The following ZBTB37 variants were observed in gnomAD, a reference collection of about 807,000 sequenced individuals.
ZBTB37 encodes the protein zinc finger and BTB domain containing 37, also known as zinc finger and BTB domain-containing protein 37.
ZBTB37 carries 15 observed loss-of-function variants against 37.7 expected under a neutral mutation model. That is an observed-to-expected ratio of 0.40 (90% CI 0.27 to 0.61). ZBTB37 has a LOEUF of 0.61. Ranked by LOEUF, ZBTB37 falls within the 20% of genes least tolerant of loss-of-function variation. ZBTB37 has a pLI of 0.44. For synonymous variants in ZBTB37, 231 were observed against 220.6 expected (o/e 1.05, Z -0.42); for missense variants, 514 against 641.9 (o/e 0.80, Z 2.15).
exon 4 of ZBTB37, chr1:173,896,306 C>T (rs1403386662): frequency 6.6e-6 from 1 of 152,110 alleles, no homozygotes; most frequent in African/African-American, 2.4e-5. Flanking sequence ...TTAAAACTTT[C>T]TTTTGGATTC....
intron 4 of ZBTB37, among the ~76,000 whole-genome samples, chr1:173,873,895 A>G (rs1655735377): frequency 6.6e-6 from 1 of 152,216 alleles, no homozygotes; most frequent in South Asian, 2.1e-4. Context: ...AAAGTGATAA[A>G]TTACATGTGG....
At chr1:173,873,417 T>A (rs1460811240) in intron 3 of ZBTB37, 50 bp from the exon 4 acceptor site, 2 of 1,514,582 alleles carry the variant, frequency 1.3e-6, no homozygotes, top group Non-Finnish European at 1.8e-6. Flanking sequence ...TTTTTCAGGT[T>A]CTTTGATGCT....
At chr1:173,872,124 A>C (rs1655608012) in intron 3 of ZBTB37, among the ~76,000 whole-genome samples, 1 of 152,148 alleles carries the variant, frequency 6.6e-6, no homozygotes, top group Non-Finnish European at 1.5e-5. Context: ...GCTGGAGTGC[A>C]GTGGTGCGAT....
chr1:173,870,793 C>A, exon 3 of ZBTB37: 1 of 1,614,214 alleles, frequency 6.2e-7, no homozygotes, highest in East Asian at 2.2e-5. Context: ...GCTAAGTCCT[C>A]CTGAGGAGTC....
downstream of ZBTB37, chr1:173,890,930 G>A (rs371921687): frequency 6.6e-6 from 1 of 152,154 alleles, no homozygotes; most frequent in Non-Finnish European, 1.5e-5. Flanking sequence ...ACCTCCTAAA[G>A]TTGTTACTCA....
At chr1:173,886,132 A>AG (rs1557891198) in exon 5 of ZBTB37, 8 of 1,546,974 alleles carry the variant, frequency 5.2e-6, no homozygotes, top group Non-Finnish European at 7.0e-6. Flanking sequence ...TGAAACATCC[A>AG]GGGGGAGGGG....
intron 4 of ZBTB37, among the ~76,000 whole-genome samples, chr1:173,874,779 C>T (rs961614030): frequency 8.6e-5 from 13 of 151,976 alleles, no homozygotes; most frequent in African/African-American, 3.1e-4. Context: ...CTAGTCAATG[C>T]AATAAAGCAA....
chr1:173,888,279 G>T (rs1656706570), downstream of ZBTB37: 1 of 152,214 alleles, frequency 6.6e-6, no homozygotes, highest in Non-Finnish European at 1.5e-5. Flanking sequence ...GTTTTCAGTG[G>T]ACAGATTTTG....
intron 4 of ZBTB37, among the ~76,000 whole-genome samples, chr1:173,877,741 A>G (rs1310104169): frequency 6.6e-6 from 1 of 152,112 alleles, no homozygotes; most frequent in Non-Finnish European, 1.5e-5. Context: ...AGGGTAATAT[A>G]TATGCCTTAA....
chr1:173,891,465 A>G (rs367964408), downstream of ZBTB37: 7 of 152,230 alleles, frequency 4.6e-5, no homozygotes, highest in East Asian at 9.6e-4. Flanking sequence ...GAGGATTTCA[A>G]ATTCTTTTTA....
At chr1:173,869,407 A>G (rs946236955) in intron 2 of ZBTB37, among the ~76,000 whole-genome samples, 1 of 152,258 alleles carries the variant, frequency 6.6e-6, no homozygotes, top group Non-Finnish European at 1.5e-5. Flanking sequence ...AAATATTTTA[A>G]TGGAAAAATG....
intron 4 of ZBTB37, chr1:173,873,767 C>T: frequency 1.3e-6 from 1 of 775,638 alleles, no homozygotes; most frequent in Non-Finnish European, 1.8e-6. Flanking sequence ...AAATTGCAGA[C>T]TGGTATTTCT....
At chr1:173,881,732 T>C (rs1434879453) in intron 4 of ZBTB37, among the ~76,000 whole-genome samples, 1 of 152,176 alleles carries the variant, frequency 6.6e-6, no homozygotes, top group Non-Finnish European at 1.5e-5. Context: ...TTCATGTGTC[T>C]GTTGGCTTCA....
chr1:173,887,079 A>G (rs1340373840), downstream of ZBTB37: 1 of 152,176 alleles, frequency 6.6e-6, no homozygotes, highest in Admixed American at 6.5e-5. Context: ...GTAATCAAAA[A>G]TGTCACTTTC....
Position 173,874,946 on chromosome 1 carries a change from A to G in ZBTB37, c.1023+1380A>G, listed in dbSNP as rs573005128. ...TGCTTGTGGGCGTGCAGGAAAATAC[A>G]CTTTCGATGTCAGCAGAGTTTGGGA... On this transcript the variant is annotated intron_variant, in intron 4 of 4. Coordinates refer to ENST00000427304, the Ensembl canonical transcript of ZBTB37. Among the ~76,000 whole-genome samples the G allele has an allele frequency of 3.3e-5, 5 of 152,172 alleles. No individual in the cohort carries two copies. The East Asian group carries it at 7.7e-4, about 24-fold the overall frequency.
At chr1:173,896,962 G>A (rs547197096) in exon 4 of ZBTB37, 6 of 152,292 alleles carry the variant, frequency 3.9e-5, no homozygotes, top group Admixed American at 3.3e-4. Context: ...TATTTAGAAT[G>A]TATATGGCAT....
chr1:173,901,671 G>T (rs940219751), exon 4 of ZBTB37: 14 of 152,234 alleles, frequency 9.2e-5, no homozygotes, highest in African/African-American at 3.1e-4. Flanking sequence ...AAAGTTACAG[G>T]TGTGAGCCAC....
chr1:173,877,569 CAG>C (rs1175430776), intron 4 of ZBTB37, among the ~76,000 whole-genome samples: 1 of 151,874 alleles, frequency 6.6e-6, no homozygotes, highest in East Asian at 1.9e-4. Context: ...TTTGTAGACA[CAG>C]GGTTTCACTG....
chr1:173,878,120 T>G (rs1404586908), intron 4 of ZBTB37, among the ~76,000 whole-genome samples: 1 of 152,216 alleles, frequency 6.6e-6, no homozygotes. Context: ...ATGCCTCATT[T>G]CTTTTCAGGT....
Sources: gnomAD v4.1 joint callset for allele counts (sites outside exome capture counted in the v4.1 genomes callset) on GRCh38, gnomAD v4.1.1 for gene constraint, MANE v1.5 for transcripts, NCBI Gene and HGNC (gene_info 2026-07-23, HGNC 2026-07-21) for gene names.